The following FGD4 variants were observed in gnomAD, a reference collection of about 807,000 sequenced individuals.
FGD4 encodes FYVE, RhoGEF and PH domain-containing protein 4.
A neutral mutation model predicts 102.0 loss-of-function variants in FGD4; 42 were observed. The observed-to-expected ratio is 0.41, with a 90% CI of 0.32 to 0.53. The LOEUF is 0.53. Among genes scored for constraint, FGD4 ranks in the 20% least tolerant of loss-of-function variants. FGD4 has a pLI of 0.21. For missense variants in FGD4, 902 were observed against 1,078.2 expected (o/e 0.84, Z 2.29); for synonymous variants, 380 against 375.7 (o/e 1.01, Z -0.13).
intron 1 of FGD4, among the ~76,000 whole-genome samples, chr12:32,440,669 C>T (rs1565741824): frequency 6.6e-6 from 1 of 152,214 alleles, no homozygotes. Flanking sequence ...TAACTACTTC[C>T]TGGCTGCTGC....
At chr12:32,476,602 A>T (rs981252818) in intron 1 of FGD4, among the ~76,000 whole-genome samples, 1 of 152,190 alleles carries the variant, frequency 6.6e-6, no homozygotes, top group Non-Finnish European at 1.5e-5. Context: ...AGAAGTTGCC[A>T]TGCCTCTAGC....
chr12:32,582,114 C>G lies in FGD4; in HGVS notation c.658C>G (p.Gln220Glu), dbSNP rs1307972506. 1 of 1,614,080 alleles carries G rather than the reference C, an allele frequency of 6.2e-7. No individual in the cohort carries two copies. The highest frequency in any genetic ancestry group is 1.7e-5 in the Admixed American group (1 of 60,002). Residue 220 changes from glutamine (Q) to glutamate (E), a missense_variant, in exon 4 of 17, where the codon CAG becomes GAG. Physicochemically the swap from Gln to Glu is conservative, Grantham distance 29 (BLOSUM62 2). Coordinates refer to ENST00000534526, the MANE Select transcript of FGD4 (RefSeq NM_001370298.3). ...QRQGNDTDKT[Q>E]GAQTCVANGV... ...GCAGGGAAATGATACAGATAAGACTCAGGGTGCACAGACTTGTGTGGCCAA... is the reference window on the plus strand; with the variant it reads ...GCAGGGAAATGATACAGATAAGACTGAGGGTGCACAGACTTGTGTGGCCAA...
At chr12:32,628,744 C>T (rs1032618969) in intron 14 of FGD4, among the ~76,000 whole-genome samples, 1 of 152,034 alleles carries the variant, frequency 6.6e-6, no homozygotes, top group Non-Finnish European at 1.5e-5. Context: ...CGAGATTGCG[C>T]CATTGCACTC....
At chr12:32,402,875 T>C (rs1591834059) in intron 1 of FGD4, among the ~76,000 whole-genome samples, 1 of 152,152 alleles carries the variant, frequency 6.6e-6, no homozygotes, top group South Asian at 2.1e-4. Flanking sequence ...CTGTTCAATT[T>C]GGGAAGGGTA....
chr12:32,636,074 G>GAA lies in FGD4; in HGVS notation c.2313+2385_2313+2386insAA, dbSNP rs1414302247. Among the ~76,000 whole-genome samples, 7 of 151,252 alleles carry GAA rather than the reference G, an allele frequency of 4.6e-5. No individual in the cohort carries two copies. The East Asian group carries it at 9.7e-4, about 21-fold the overall frequency. ...CTACTAATAAGAATGGAATTCTTTG[G>GAA]GGGAGGATAACCATTCACTTAATTG... On this transcript the variant is annotated intron_variant, in intron 15 of 16. Coordinates refer to ENST00000534526, the MANE Select transcript of FGD4 (RefSeq NM_001370298.3).
intron 4 of FGD4, among the ~76,000 whole-genome samples, chr12:32,598,270 G>T (rs1948071711): frequency 6.6e-6 from 1 of 152,162 alleles, no homozygotes; most frequent in Non-Finnish European, 1.5e-5. Context: ...TATGATAGTG[G>T]TAACTGCTGC....
At chr12:32,501,237 G>A (rs1592025464) in intron 1 of FGD4, among the ~76,000 whole-genome samples, 3 of 152,208 alleles carry the variant, frequency 2.0e-5, no homozygotes, top group Admixed American at 6.5e-5. Flanking sequence ...AAAATTTTCT[G>A]TGGAGATAGG....
chr12:32,474,928 G>C (rs1037227399), intron 1 of FGD4, among the ~76,000 whole-genome samples: 2 of 152,006 alleles, frequency 1.3e-5, no homozygotes, highest in African/African-American at 4.8e-5. Flanking sequence ...ATTTATTTTT[G>C]GTGTGATGAA....
At chr12:32,501,256 G>C (rs889032960) in intron 1 of FGD4, among the ~76,000 whole-genome samples, 3 of 152,198 alleles carry the variant, frequency 2.0e-5, no homozygotes, top group Admixed American at 6.5e-5. Context: ...GGGTCTCACT[G>C]TGTTGCTCAG....
At chr12:32,620,611 C>A (rs1949770651) in intron 11 of FGD4, among the ~76,000 whole-genome samples, 1 of 146,034 alleles carries the variant, frequency 6.8e-6, no homozygotes, top group South Asian at 2.2e-4. Flanking sequence ...ACTGCAGCCT[C>A]TGCCTCCCAG....
chr12:32,589,704 T>C (rs1432317353), intron 4 of FGD4, among the ~76,000 whole-genome samples: 2 of 152,186 alleles, frequency 1.3e-5, no homozygotes, highest in African/African-American at 4.8e-5. Context: ...ACTTTTTTTC[T>C]TTGTGCAACC....
At chr12:32,534,263 G>A in intron 1 of FGD4, 1 of 1,287,704 alleles carries the variant, frequency 7.8e-7, no homozygotes, top group Non-Finnish European at 9.9e-7. Context: ...CTGGGGAGGT[G>A]TGGCATGTTT....
At chr12:32,561,099 T>TTTTTTTTTTTTA in intron 1 of FGD4, among the ~76,000 whole-genome samples, 1 of 133,096 alleles carries the variant, frequency 7.5e-6, no homozygotes, top group Non-Finnish European at 1.6e-5. Context: ...TTTTTTTTTT[T>TTTTTTTTTTTTA]TTGAGATGGA....
At position 32,433,616 on chromosome 12, in the gene FGD4, C is replaced by T. The variant is rs1400193900; in HGVS notation, c.166+33657C>T. Among the ~76,000 whole-genome samples, 4 of 152,080 alleles carry T rather than the reference C, an allele frequency of 2.6e-5. No homozygotes were observed. The East Asian group carries it at 7.8e-4, about 30-fold the overall frequency. ...CCTCCCAAAGTGCTGGGATTATAAGCATGAGCCACCGCACCTGGCCTAAAA... is the reference window on the plus strand; with the variant it reads ...CCTCCCAAAGTGCTGGGATTATAAGTATGAGCCACCGCACCTGGCCTAAAA... On this transcript the variant is annotated intron_variant, in intron 1 of 16. Coordinates refer to ENST00000534526, the MANE Select transcript of FGD4 (RefSeq NM_001370298.3).
rs113520578 is a variant in FGD4, at chr12:32,555,064, A to G, written c.167-9073A>G. On this transcript the variant is annotated intron_variant, in intron 1 of 16. Coordinates refer to ENST00000534526, the MANE Select transcript of FGD4 (RefSeq NM_001370298.3). ...TGACAATATGGACTGCACTGGGAACAAGGGAAGGAGCAGGGGTCTTACTGC... is the reference window on the plus strand; with the variant it reads ...TGACAATATGGACTGCACTGGGAACGAGGGAAGGAGCAGGGGTCTTACTGC... 3.6e-3 allele frequency among the ~76,000 whole-genome samples: 541 copies of G among 152,358 alleles called. 5 individuals carry two copies. Among genetic ancestry groups the G allele is most frequent in the African/African-American group, 0.013 (523 of 41,584 alleles).
chr12:32,560,513 C>T (rs370776791), intron 1 of FGD4, among the ~76,000 whole-genome samples: 9 of 152,162 alleles, frequency 5.9e-5, no homozygotes, highest in East Asian at 1.9e-4. Context: ...GCCTCAGCCT[C>T]GCAAAGTGTT....
intron 1 of FGD4, among the ~76,000 whole-genome samples, chr12:32,404,511 A>G (rs2136381739): frequency 6.6e-6 from 1 of 152,260 alleles, no homozygotes; most frequent in South Asian, 2.1e-4. Flanking sequence ...AAGGAAAAAA[A>G]GTTTCAGAAA....
intron 1 of FGD4, chr12:32,485,994 A>G: frequency 7.3e-7 from 1 of 1,364,086 alleles, no homozygotes; most frequent in Non-Finnish European, 9.4e-7. Flanking sequence ...ATCATGTTGA[A>G]CACTAGATGT....
intron 1 of FGD4, among the ~76,000 whole-genome samples, chr12:32,434,022 A>G (rs1014217843): frequency 6.6e-6 from 1 of 151,582 alleles, no homozygotes; most frequent in Non-Finnish European, 1.5e-5. Flanking sequence ...CGCCCAGCTA[A>G]TTTTTGTATT....
Sources: allele counts gnomAD v4.1 joint callset (sites outside exome capture counted in the v4.1 genomes callset), GRCh38; gene constraint gnomAD v4.1.1; transcripts MANE v1.5; gene names NCBI Gene and HGNC (gene_info 2026-07-23, HGNC 2026-07-21).